The following SPINT2 variants were observed in gnomAD, a reference collection of about 807,000 sequenced individuals.
SPINT2 encodes kunitz-type protease inhibitor 2.
SPINT2 carries 18 observed loss-of-function variants against 30.1 expected under a neutral mutation model. The observed-to-expected ratio is 0.60, with a 90% CI of 0.41 to 0.89. The LOEUF (loss-of-function observed/expected upper bound fraction) is 0.89, where lower values mean the gene tolerates loss of function less well. SPINT2 is among the 40% of genes least tolerant of loss of function. The pLI is 0.00. For missense variants in SPINT2, 276 were observed against 334.3 expected (o/e 0.83, Z 1.36); for synonymous variants, 139 against 137.9 (o/e 1.01, Z -0.05).
Position 38,290,359 on chromosome 19 carries a change from GC to G in SPINT2, c.553+81del. The G allele has an allele frequency of 6.3e-7, 1 of 1,582,180 alleles. No homozygotes were observed. Among genetic ancestry groups the G allele is most frequent in the Non-Finnish European group, 8.6e-7 (1 of 1,164,574 alleles). Reference sequence around the variant, plus strand: ...ATCTCCCCATCCCTAAAATATGAAGGCCTTGGAAATGCTGTTCTTGGGCCCA... The same window carrying G: ...ATCTCCCCATCCCTAAAATATGAAGGCTTGGAAATGCTGTTCTTGGGCCCA... On this transcript the variant is annotated intron_variant, in intron 5 of 6. Coordinates refer to ENST00000301244, the MANE Select transcript of SPINT2 (RefSeq NM_021102.4). The surrounding 1 kb of genome is among the most constrained non-coding windows in gnomAD (Gnocchi z 4.3).
intron 1 of SPINT2, among the ~76,000 whole-genome samples, chr19:38,280,128 C>A (rs995135969): frequency 3.3e-5 from 5 of 152,138 alleles, no homozygotes; most frequent in Non-Finnish European, 7.3e-5. Flanking sequence ...CCCAGGCTCG[C>A]AAGACTTGTC....
chr19:38,266,398 G>A (rs998368784), intron 1 of SPINT2, among the ~76,000 whole-genome samples: 5 of 151,818 alleles, frequency 3.3e-5, no homozygotes, highest in Non-Finnish European at 5.9e-5. Context: ...AAAGAAGGCC[G>A]GGTGATGTGG....
At position 38,292,490 on chromosome 19, in the gene SPINT2, A is replaced by T. The variant is rs915251137; in HGVS notation, c.*484A>T. The T allele has an allele frequency of 6.3e-6, 1 of 158,114 alleles. No homozygotes were observed. Among genetic ancestry groups the T allele is most frequent in the African/African-American group, 2.4e-5 (1 of 41,474 alleles). The allele number at this position is 158,114 out of a possible 1,614,324, so 9.8% of individuals were successfully genotyped here. A position where few individuals can be genotyped will look rare whatever the true frequency, so the allele number is the denominator to read the frequency against. On this transcript the variant is annotated 3_prime_UTR_variant, in exon 7 of 7. Coordinates refer to ENST00000301244, the MANE Select transcript of SPINT2 (RefSeq NM_021102.4). ...TTTCTTTATGGGAGTCCTAATTTCA[A>T]CCCTACCAAAATGATCACAAGACAC...
At chr19:38,286,751 C>T (rs1186556665) in intron 2 of SPINT2, among the ~76,000 whole-genome samples, 1 of 152,146 alleles carries the variant, frequency 6.6e-6, no homozygotes, top group African/African-American at 2.4e-5. Context: ...CCAGAGCACT[C>T]CAGCCTGGGC....
chr19:38,291,903 A>G lies in SPINT2; in HGVS notation c.656A>G (p.Tyr219Cys). ...LILFLGASMV[Y>C]LIRVARRNQE... ...CTCTTCCTGGGAGCCTCCATGGTCT[A>G]CCTGATCCGGGTGGCACGGAGGAAC... is the stretch of plus-strand genomic sequence containing the variant. Residue 219 changes from tyrosine (Y) to cysteine (C), a missense_variant, in exon 7 of 7, where the codon TAC becomes TGC. Tyr to Cys is a radical substitution (Grantham distance 194). Coordinates refer to ENST00000301244, the MANE Select transcript of SPINT2 (RefSeq NM_021102.4). 3 of 1,613,772 alleles carry G rather than the reference A, an allele frequency of 1.9e-6. No homozygotes were observed. The highest frequency in any genetic ancestry group is 1.7e-5 in the Admixed American group (1 of 59,984).
At chr19:38,274,971 G>T (rs1434756641) in intron 1 of SPINT2, among the ~76,000 whole-genome samples, 1 of 152,164 alleles carries the variant, frequency 6.6e-6, no homozygotes, top group Non-Finnish European at 1.5e-5. Context: ...TCTGGATGGT[G>T]GCCCAGAGGA....
At chr19:38,285,468 T>C (rs1265540432) in intron 2 of SPINT2, among the ~76,000 whole-genome samples, 1 of 152,142 alleles carries the variant, frequency 6.6e-6, no homozygotes, top group Admixed American at 6.5e-5. Context: ...CCTCAGCCTC[T>C]CAAGTAGCTG....
At chr19:38,287,816 TTTGTCCCTG>T (rs1968660560) in intron 2 of SPINT2, 51 bp from the exon 3 acceptor site, 1 of 1,582,878 alleles carries the variant, frequency 6.3e-7, no homozygotes, top group Admixed American at 1.7e-5. Context: ...CAGCTCATTC[TTTGTCCCTG>T]GCAGTCTCTC....
chr19:38,266,624 T>C (rs1313357467), intron 1 of SPINT2, among the ~76,000 whole-genome samples: 1 of 150,652 alleles, frequency 6.6e-6, no homozygotes, highest in African/African-American at 2.4e-5. Flanking sequence ...TGTAGTGAGC[T>C]GAGATCAAGC....
rs371669839 is a variant in SPINT2 at position 38,290,574 on chromosome 19, G to A, written c.591G>A (p.Lys197=). 5 of 1,613,874 alleles carry A rather than the reference G, an allele frequency of 3.1e-6. No homozygotes were observed. The African/African-American group carries it at 6.7e-5, about 22-fold the overall frequency. ...QENPPLPLGS[K]VVVLAGLFVM... The stretch of plus-strand genomic sequence containing the variant: ...ATCCTCCCCTGCCCCTTGGCTCAAA[G>A]GGTAAGTGGCCCCTTACCCTCCTCC... The change falls in exon 6 of 7, where the codon AAG becomes AAA. Residue 197 remains lysine (K), a splice_region_variant and synonymous_variant. Transcript: ENST00000301244. This position sits in a 1 kb window ranked among gnomAD's most constrained non-coding sequence, Gnocchi z 4.3.
intron 1 of SPINT2, among the ~76,000 whole-genome samples, chr19:38,267,651 G>C (rs549750544): frequency 2.0e-5 from 3 of 151,972 alleles, no homozygotes; most frequent in East Asian, 1.9e-4. Flanking sequence ...AGAGGAAGCG[G>C]GGGGGCGAGG....
At chr19:38,274,769 C>T (rs551688264) in intron 1 of SPINT2, among the ~76,000 whole-genome samples, 4 of 151,092 alleles carry the variant, frequency 2.6e-5, no homozygotes, top group South Asian at 2.1e-4. Context: ...GAGCCTAGAT[C>T]GCACTATTGC....
At chr19:38,288,959 T>C (rs1023060586) in intron 3 of SPINT2, 179 bp from the exon 4 acceptor site, 109 of 628,712 alleles carry the variant, frequency 1.7e-4, no homozygotes, top group Non-Finnish European at 2.8e-4. Context: ...GCACTCTCAG[T>C]GTGTGCGTAG....
intron 1 of SPINT2, among the ~76,000 whole-genome samples, chr19:38,270,769 C>G (rs1293728669): frequency 1.3e-5 from 2 of 152,224 alleles, no homozygotes; most frequent in African/African-American, 4.8e-5. Context: ...CATCCCCAGC[C>G]ATTTGCAGAA....
At chr19:38,285,633 C>T (rs538086258) in intron 2 of SPINT2, among the ~76,000 whole-genome samples, 1 of 152,278 alleles carries the variant, frequency 6.6e-6, no homozygotes, top group East Asian at 1.9e-4. Flanking sequence ...GCCACTGTGC[C>T]CAGCTAAACA....
intron 1 of SPINT2, among the ~76,000 whole-genome samples, chr19:38,268,621 G>A (rs1281822308): frequency 6.6e-6 from 1 of 152,130 alleles, no homozygotes; most frequent in Non-Finnish European, 1.5e-5. Flanking sequence ...CCTCATCTCA[G>A]CTACTGCTTG....
At position 38,290,407 on chromosome 19, in the gene SPINT2, G is replaced by A. The variant is rs936147566; in HGVS notation, c.553+127G>A. On this transcript the variant is annotated intron_variant, in intron 5 of 6. Coordinates refer to ENST00000301244, the MANE Select transcript of SPINT2 (RefSeq NM_021102.4). The surrounding 1 kb of genome is among the most constrained non-coding windows in gnomAD (Gnocchi z 4.3). The stretch of plus-strand genomic sequence containing the variant: ...CCCACCAGGGCAGCAAGGCCTCTAA[G>A]CCCCAGAAAAGCTGGAAGAAAGCCC... 2.5e-6 allele frequency: 4 copies of A among 1,588,356 alleles called. No individual in the cohort carries two copies. The African/African-American group carries it at 5.4e-5, about 21-fold the overall frequency.
chr19:38,272,832 G>T (rs1968472762), intron 1 of SPINT2, among the ~76,000 whole-genome samples: 1 of 152,162 alleles, frequency 6.6e-6, no homozygotes, highest in South Asian at 2.1e-4. Flanking sequence ...CGATTCTCCT[G>T]CCTCAGCCTC....
intron 1 of SPINT2, among the ~76,000 whole-genome samples, chr19:38,280,992 G>A (rs1181338921): frequency 1.3e-5 from 2 of 152,194 alleles, no homozygotes; most frequent in African/African-American, 4.8e-5. Flanking sequence ...GGCTGCTGGC[G>A]CCTCTGTAGC....
Sources: gnomAD v4.1 joint callset for allele counts (sites outside exome capture counted in the v4.1 genomes callset) on GRCh38, gnomAD v4.1.1 for gene constraint, Gnocchi (gnomAD v3.1) non-coding constraint, MANE v1.5 for transcripts, NCBI Gene and HGNC (gene_info 2026-07-23, HGNC 2026-07-21) for gene names.